TTC28: variants seen among roughly 807,000 people sequenced by gnomAD.
TTC28 encodes the protein tetratricopeptide repeat domain 28.
TTC28 carries 61 observed loss-of-function variants against 198.0 expected under a neutral mutation model. That is an observed-to-expected ratio of 0.31 (90% CI 0.25 to 0.38). TTC28 has a LOEUF of 0.38. Among genes scored for constraint, TTC28 ranks in the 10% least tolerant of loss-of-function variants. The pLI is 1.00. For missense variants in TTC28, 2,678 were observed against 3,164.0 expected (o/e 0.85, Z 3.69); for synonymous variants, 1,171 against 1,297.8 (o/e 0.90, Z 2.10).
At chr22:28,123,323 G>A (rs184490553) in intron 6 of TTC28, among the ~76,000 whole-genome samples, 1 of 151,708 alleles carries the variant, frequency 6.6e-6, no homozygotes, top group Non-Finnish European at 1.5e-5. Context: ...TGGCACGATC[G>A]TGGCTCACTG....
intron 12 of TTC28, among the ~76,000 whole-genome samples, chr22:28,074,421 C>T (rs577302888): frequency 6.6e-6 from 1 of 152,280 alleles, no homozygotes; most frequent in Admixed American, 6.5e-5. Flanking sequence ...CAGAATCCCA[C>T]CCTGTCCCTT....
At chr22:28,131,727 C>A (rs1460609286) in intron 6 of TTC28, among the ~76,000 whole-genome samples, 1 of 152,172 alleles carries the variant, frequency 6.6e-6, no homozygotes, top group East Asian at 1.9e-4. Flanking sequence ...TCAGTTTCTT[C>A]ATCTGTAAAA....
intron 2 of TTC28, among the ~76,000 whole-genome samples, chr22:28,488,123 G>C (rs549595833): frequency 6.6e-6 from 1 of 152,074 alleles, no homozygotes; most frequent in African/African-American, 2.4e-5. Context: ...CTTAGGGGGA[G>C]TTATGAACAA....
chr22:28,591,781 T>C (rs1267666915), intron 2 of TTC28, among the ~76,000 whole-genome samples: 1 of 152,202 alleles, frequency 6.6e-6, no homozygotes, highest in Non-Finnish European at 1.5e-5. Context: ...AAAGATTTTT[T>C]TTAATTCAGG....
In TTC28 at chr22:28,343,071, A is replaced by G. The variant is rs548262939; in HGVS notation, c.382-36428T>C. Among the ~76,000 whole-genome samples, 3 of 152,378 alleles carry G rather than the reference A, an allele frequency of 2.0e-5. No homozygotes were observed. The East Asian group carries it at 5.8e-4, about 29-fold the overall frequency. On this transcript the variant is annotated intron_variant, in intron 2 of 22. Transcript: ENST00000397906. ...CAACATACACACATAATGAAAAAGT[A>G]TAACACCTTATGAACAATGCATACA...
At chr22:28,199,983 T>C (rs1199849107) in intron 5 of TTC28, among the ~76,000 whole-genome samples, 2 of 152,148 alleles carry the variant, frequency 1.3e-5, no homozygotes, top group African/African-American at 4.8e-5. Flanking sequence ...AATAATTATC[T>C]TTGAGCCATG....
intron 2 of TTC28, among the ~76,000 whole-genome samples, chr22:28,398,247 G>C (rs892305951): frequency 6.6e-6 from 1 of 152,196 alleles, no homozygotes; most frequent in African/African-American, 2.4e-5. Flanking sequence ...GAGAGATGGA[G>C]AGGGGGCCAG....
chr22:28,274,510 G>A (rs1026994670), intron 5 of TTC28, among the ~76,000 whole-genome samples: 1 of 152,168 alleles, frequency 6.6e-6, no homozygotes, highest in Admixed American at 6.5e-5. Context: ...ATAGATTATT[G>A]AGTAAATAAG....
intron 5 of TTC28, among the ~76,000 whole-genome samples, chr22:28,276,601 T>C (rs1289948933): frequency 1.3e-5 from 2 of 152,194 alleles, no homozygotes; most frequent in Admixed American, 6.5e-5. Flanking sequence ...ATGATAGTCA[T>C]GGCAGCAACT....
At chr22:28,451,953 G>A (rs1385377566) in intron 2 of TTC28, among the ~76,000 whole-genome samples, 1 of 152,084 alleles carries the variant, frequency 6.6e-6, no homozygotes, top group Admixed American at 6.5e-5. Flanking sequence ...CAGCTTTGAA[G>A]TTATTAACTT....
chr22:28,117,929 T>TA (rs1942676264), intron 6 of TTC28, among the ~76,000 whole-genome samples: 1 of 152,114 alleles, frequency 6.6e-6, no homozygotes, highest in South Asian at 2.1e-4. Flanking sequence ...TAAAAATAAC[T>TA]AAAAAGAGTA....
intron 5 of TTC28, among the ~76,000 whole-genome samples, chr22:28,207,746 A>G (rs138524315): frequency 6.6e-6 from 1 of 152,310 alleles, no homozygotes; most frequent in African/African-American, 2.4e-5. Flanking sequence ...TCTCTCCTTC[A>G]GGGAGGATTT....
intron 6 of TTC28, among the ~76,000 whole-genome samples, chr22:28,128,179 A>G (rs1942962909): frequency 1.3e-5 from 2 of 152,152 alleles, no homozygotes; most frequent in Non-Finnish European, 2.9e-5. Flanking sequence ...TAGGCTGGGC[A>G]CAGTGGCTCA....
intron 2 of TTC28, among the ~76,000 whole-genome samples, chr22:28,401,236 G>A (rs747087210): frequency 1.3e-5 from 2 of 151,614 alleles, no homozygotes; most frequent in Non-Finnish European, 3.0e-5. Flanking sequence ...CGACGATGAC[G>A]ACGACGACGA....
Position 28,163,606 on chromosome 22 carries a change from A to G in TTC28, c.934-7T>C, listed in dbSNP as rs966678583. ...TCAAGGCTGATGAAGCTGCCTGGAG[A>G]GAAAAGGATAAAGTGGAGAAATGAA... On this transcript the variant is annotated splice_region_variant and splice_polypyrimidine_tract_variant and intron_variant, in intron 5 of 22. Transcript: ENST00000397906. 2.6e-6 allele frequency: 4 copies of G among 1,516,482 alleles called. No individual in the cohort carries two copies. The highest frequency in any genetic ancestry group is 1.7e-4 in the Middle Eastern group (1 of 5,806). The allele number at this position is 1,516,482 out of a possible 1,614,324, so 93.9% of individuals were successfully genotyped here.
chr22:28,014,191 A>T, intron 14 of TTC28, 57 bp downstream of exon 14: 1 of 1,503,516 alleles, frequency 6.7e-7, no homozygotes, highest in South Asian at 1.3e-5. Flanking sequence ...GTGGGCGCTG[A>T]CTGGTAAGCG....
intron 2 of TTC28, among the ~76,000 whole-genome samples, chr22:28,375,074 C>T (rs2046389341): frequency 6.6e-6 from 1 of 151,236 alleles, no homozygotes; most frequent in Non-Finnish European, 1.5e-5. Flanking sequence ...GATGGCAGAA[C>T]AAGACTCAAG....
intron 2 of TTC28, among the ~76,000 whole-genome samples, chr22:28,317,658 A>G (rs2045373663): frequency 6.6e-6 from 1 of 152,140 alleles, no homozygotes; most frequent in Admixed American, 6.6e-5. Flanking sequence ...TCACTCCTAT[A>G]TCTGATATCT....
intron 6 of TTC28, among the ~76,000 whole-genome samples, chr22:28,118,139 C>T (rs1372316154): frequency 6.6e-6 from 1 of 152,118 alleles, no homozygotes; most frequent in East Asian, 1.9e-4. Context: ...TGGCTCACAC[C>T]TGTAATCCCA....
Sources: gnomAD v4.1 joint callset for allele counts (sites outside exome capture counted in the v4.1 genomes callset) on GRCh38, gnomAD v4.1.1 for gene constraint, MANE v1.5 for transcripts, NCBI Gene and HGNC (gene_info 2026-07-23, HGNC 2026-07-21) for gene names.